The following ZBTB20 variants were observed in gnomAD, a reference collection of about 807,000 sequenced individuals.
The protein encoded by ZBTB20 is zinc finger and BTB domain containing 20.
A neutral mutation model predicts 56.9 loss-of-function variants in ZBTB20; 9 were observed. That is an observed-to-expected ratio of 0.16 (90% CI 0.10 to 0.28). ZBTB20 has a LOEUF of 0.28. ZBTB20 is among the 10% of genes least tolerant of loss of function. ZBTB20 has a pLI of 1.00. For missense variants in ZBTB20, 655 were observed against 1,003.0 expected (o/e 0.65, Z 4.69); for synonymous variants, 417 against 420.7 (o/e 0.99, Z 0.11).
chr3:114,384,267 CCAA>C (rs961789412), intron 8 of ZBTB20, among the ~76,000 whole-genome samples: 4 of 151,692 alleles, frequency 2.6e-5, no homozygotes, highest in East Asian at 1.9e-4. Flanking sequence ...GTTAGACAAG[CCAA>C]CAACAACAAA....
At chr3:114,911,735 A>T (rs888293949) in intron 3 of ZBTB20, among the ~76,000 whole-genome samples, 5 of 151,940 alleles carry the variant, frequency 3.3e-5, no homozygotes, top group African/African-American at 4.8e-5. Flanking sequence ...AACAAGAAAA[A>T]GACTGAAAAA....
At position 114,325,687 on chromosome 3, in the gene ZBTB20, C is replaced by T. The variant is rs1389375202; in HGVS notation, c.*13318G>A. On this transcript the variant is annotated 3_prime_UTR_variant, in exon 12 of 12. Coordinates refer to ENST00000675478, the MANE Select transcript of ZBTB20 (RefSeq NM_001348800.3). ...ACCTGTATCAAATTTGGTCCCATCA[C>T]ATTGTCCTGTTCCCTCTCTTTGTTT... The T allele has an allele frequency of 1.3e-5, 2 of 152,150 alleles. No individual in the cohort carries two copies. The highest frequency in any genetic ancestry group is 1.5e-5 in the Non-Finnish European group (1 of 68,018). 9.4% of individuals were successfully genotyped at this position (152,150 alleles called of 1,614,324 possible).
intron 5 of ZBTB20, among the ~76,000 whole-genome samples, chr3:114,794,809 C>T (rs2071227803): frequency 6.6e-6 from 1 of 151,976 alleles, no homozygotes; most frequent in African/African-American, 2.4e-5. Flanking sequence ...TCCAGAAATC[C>T]AGTCATGTTG....
chr3:114,422,426 C>T (rs1157764122), intron 7 of ZBTB20, among the ~76,000 whole-genome samples: 1 of 152,112 alleles, frequency 6.6e-6, no homozygotes, highest in Non-Finnish European at 1.5e-5. Flanking sequence ...CGGACGTTAC[C>T]CGCCTTACAT....
At chr3:114,509,869 A>T (rs1293376349) in intron 6 of ZBTB20, among the ~76,000 whole-genome samples, 2 of 152,138 alleles carry the variant, frequency 1.3e-5, no homozygotes, top group Non-Finnish European at 2.9e-5. Flanking sequence ...CCTTGTAAAT[A>T]TCTGAATTCT....
chr3:115,007,451 A>C (rs553374707), intron 2 of ZBTB20, among the ~76,000 whole-genome samples: 2 of 151,994 alleles, frequency 1.3e-5, no homozygotes, highest in South Asian at 4.2e-4. Flanking sequence ...CTTTACTCAT[A>C]ATAAGCTGTT....
At chr3:114,803,536 G>A (rs940509137) in intron 4 of ZBTB20, among the ~76,000 whole-genome samples, 2 of 151,722 alleles carry the variant, frequency 1.3e-5, no homozygotes, top group African/African-American at 4.8e-5. Flanking sequence ...ACATATCTTG[G>A]CCCAAAGATG....
At chr3:114,612,233 G>A (rs940628056) in intron 6 of ZBTB20, among the ~76,000 whole-genome samples, 1 of 151,998 alleles carries the variant, frequency 6.6e-6, no homozygotes, top group African/African-American at 2.4e-5. Context: ...TCCTTTCTAG[G>A]CCACCATAAT....
intron 7 of ZBTB20, among the ~76,000 whole-genome samples, chr3:114,423,478 A>G (rs138027048): frequency 2.0e-5 from 3 of 152,350 alleles, no homozygotes; most frequent in Admixed American, 1.3e-4. Flanking sequence ...AAATGGGGAA[A>G]GCTTAGCAAG....
chr3:114,891,384 T>C (rs977549876), intron 4 of ZBTB20, among the ~76,000 whole-genome samples: 1 of 152,254 alleles, frequency 6.6e-6, no homozygotes, highest in African/African-American at 2.4e-5. Flanking sequence ...AAAAAACCTG[T>C]ATCATGTCTC....
chr3:114,724,206 G>A (rs1053063615), intron 5 of ZBTB20, among the ~76,000 whole-genome samples: 6 of 152,124 alleles, frequency 3.9e-5, no homozygotes, highest in Non-Finnish European at 7.4e-5. Context: ...AAGGGAAGTA[G>A]AGGAAAAGGA....
At chr3:115,009,788 T>C (rs779976701) in intron 2 of ZBTB20, among the ~76,000 whole-genome samples, 27 of 151,930 alleles carry the variant, frequency 1.8e-4, no homozygotes, top group Non-Finnish European at 3.4e-4. Context: ...CACCATGTGA[T>C]GCCTTCTACC....
chr3:114,988,337 T>C lies in ZBTB20; in HGVS notation c.-506-13921A>G, dbSNP rs1317763442. ...CATTGTTCAATTCCCCACCTAAGAG[T>C]GAGAACATGCGGTGTTTGGTTTTTT... On this transcript the variant is annotated intron_variant, in intron 2 of 11. Coordinates refer to ENST00000675478, the MANE Select transcript of ZBTB20 (RefSeq NM_001348800.3). Among the ~76,000 whole-genome samples the C allele has an allele frequency of 1.6e-4, 24 of 147,468 alleles. 1 individual carries two copies. The highest frequency in any genetic ancestry group is 6.0e-4 in the African/African-American group (24 of 40,070).
chr3:114,775,180 G>T (rs920090886), intron 5 of ZBTB20, among the ~76,000 whole-genome samples: 11 of 151,846 alleles, frequency 7.2e-5, no homozygotes, highest in African/African-American at 2.4e-4. Context: ...AATGCCACTG[G>T]CTAGGCTTCG....
At chr3:114,494,724 G>T (rs1180701989) in intron 7 of ZBTB20, among the ~76,000 whole-genome samples, 1 of 152,180 alleles carries the variant, frequency 6.6e-6, no homozygotes, top group Admixed American at 6.5e-5. Flanking sequence ...TCCTGTAAGA[G>T]AGCTTTTGAA....
intron 6 of ZBTB20, among the ~76,000 whole-genome samples, chr3:114,536,912 G>A (rs2048529785): frequency 6.6e-6 from 1 of 152,196 alleles, no homozygotes. Context: ...TTAATAAATG[G>A]TGTTGGGAAA....
intron 6 of ZBTB20, among the ~76,000 whole-genome samples, chr3:114,602,576 C>T (rs967375944): frequency 1.3e-5 from 2 of 151,920 alleles, no homozygotes; most frequent in African/African-American, 4.8e-5. Flanking sequence ...TCTGCCTCTC[C>T]TCTCCAAATG....
intron 5 of ZBTB20, among the ~76,000 whole-genome samples, chr3:114,732,436 A>G (rs1336119082): frequency 6.6e-6 from 1 of 152,152 alleles, no homozygotes; most frequent in South Asian, 2.1e-4. Flanking sequence ...GAAGATTTAT[A>G]CAAAGTGTTG....
intron 6 of ZBTB20, among the ~76,000 whole-genome samples, chr3:114,570,659 A>G (rs1030581174): frequency 6.6e-6 from 1 of 152,148 alleles, no homozygotes; most frequent in African/African-American, 2.4e-5. Context: ...TTAAAAATGA[A>G]TAATCTTGCT....
Sources: allele counts gnomAD v4.1 joint callset (sites outside exome capture counted in the v4.1 genomes callset), GRCh38; gene constraint gnomAD v4.1.1; transcripts MANE v1.5; gene names NCBI Gene and HGNC (gene_info 2026-07-23, HGNC 2026-07-21).